TIAM1: variants seen among roughly 807,000 people sequenced by gnomAD.
TIAM1 encodes rho guanine nucleotide exchange factor TIAM1.
A neutral mutation model predicts 163.5 loss-of-function variants in TIAM1; 65 were observed. The ratio of observed to expected loss-of-function variants is 0.40; its 90% confidence interval spans 0.33 to 0.49. The LOEUF (loss-of-function observed/expected upper bound fraction) is 0.49. TIAM1 is among the 20% of genes least tolerant of loss of function. The probability of loss-of-function intolerance (pLI) is 0.77; values close to 1 mark genes in which losing one functional copy is unlikely to be tolerated. For synonymous variants in TIAM1, 833 were observed against 810.1 expected (o/e 1.03, Z -0.48); for missense variants, 1,789 against 2,044.7 (o/e 0.87, Z 2.41).
chr21:31,298,916 G>A (rs1284430830), intron 2 of TIAM1, among the ~76,000 whole-genome samples: 3 of 152,156 alleles, frequency 2.0e-5, no homozygotes, highest in Non-Finnish European at 4.4e-5. Flanking sequence ...TGCTACAAAT[G>A]AGTCAGAGAA....
chr21:31,340,480 C>T (rs1052842903), intron 1 of TIAM1, among the ~76,000 whole-genome samples: 12 of 152,162 alleles, frequency 7.9e-5, no homozygotes, highest in African/African-American at 2.4e-4. Context: ...TGGCACGAAA[C>T]TGCTATGGCA....
At chr21:31,412,191 G>C (rs1414908019) in intron 2 of TIAM1, among the ~76,000 whole-genome samples, 19 of 152,176 alleles carry the variant, frequency 1.2e-4, no homozygotes, top group African/African-American at 1.2e-4. Flanking sequence ...GACAAGTATT[G>C]CAAGTGCTCA....
chr21:31,548,430 C>T (rs1601064519), intron 1 of TIAM1, among the ~76,000 whole-genome samples: 1 of 151,278 alleles, frequency 6.6e-6, no homozygotes, highest in African/African-American at 2.4e-5. Flanking sequence ...CGTGACCCAC[C>T]GTGCCAGGCC....
intron 27 of TIAM1, among the ~76,000 whole-genome samples, chr21:31,122,771 A>T (rs1568862489): frequency 6.6e-6 from 1 of 152,218 alleles, no homozygotes; most frequent in Non-Finnish European, 1.5e-5. Flanking sequence ...TTCAAGACAA[A>T]GCAAAATGAA....
intron 2 of TIAM1, among the ~76,000 whole-genome samples, chr21:31,368,398 A>G (rs920993349): frequency 2.6e-5 from 4 of 152,220 alleles, no homozygotes; most frequent in African/African-American, 9.6e-5. Context: ...GTAGCTCAAC[A>G]AATTATTCAT....
intron 6 of TIAM1, among the ~76,000 whole-genome samples, chr21:31,232,649 G>A (rs1308118893): frequency 6.6e-6 from 1 of 152,116 alleles, no homozygotes; most frequent in Admixed American, 6.6e-5. Context: ...TTTAAATTCT[G>A]ACATGCTAGA....
intron 1 of TIAM1, among the ~76,000 whole-genome samples, chr21:31,470,291 T>C (rs11701418): frequency 0.69 from 103,809 of 149,912 alleles, 36,107 homozygotes; most frequent in African/African-American, 0.73. Flanking sequence ...AGGTGTGAGC[T>C]CCCACGCCAG....
rs1029341719 is a variant in TIAM1, at chr21:31,118,971, G to A, written c.*1397C>T. 5 of 178,896 alleles carry A rather than the reference G, an allele frequency of 2.8e-5. No homozygotes were observed. The highest frequency in any genetic ancestry group is 5.9e-5 in the Non-Finnish European group (5 of 84,088). The allele number at this position is 178,896 out of a possible 1,614,324, so 11.1% of individuals were successfully genotyped here. On this transcript the variant is annotated 3_prime_UTR_variant, in exon 28 of 28. Transcript: ENST00000541036. ...CTCCTAAAGCTACTATAAAATTCAG[G>A]TCTTTAAAGTACCTACTGATGTGTC...
At chr21:31,159,235 A>T (rs1471986975) in intron 16 of TIAM1, among the ~76,000 whole-genome samples, 1 of 152,114 alleles carries the variant, frequency 6.6e-6, no homozygotes, top group African/African-American at 2.4e-5. Context: ...ACATACAGAC[A>T]AGGAGAGGAC....
chr21:31,324,987 A>AT (rs1445830064), intron 2 of TIAM1, among the ~76,000 whole-genome samples: 1 of 152,032 alleles, frequency 6.6e-6, no homozygotes, highest in Non-Finnish European at 1.5e-5. Flanking sequence ...GAACAGAAGT[A>AT]TTTTTTTACA....
At chr21:31,306,891 GACCC>G (rs1329088930) in intron 2 of TIAM1, among the ~76,000 whole-genome samples, 1 of 152,178 alleles carries the variant, frequency 6.6e-6, no homozygotes, top group African/African-American at 2.4e-5. Flanking sequence ...CTGTGACTCT[GACCC>G]CTGTATGGTG....
chr21:31,318,267 T>C (rs1408023045), intron 2 of TIAM1, among the ~76,000 whole-genome samples: 1 of 152,122 alleles, frequency 6.6e-6, no homozygotes, highest in Non-Finnish European at 1.5e-5. Flanking sequence ...CCGGCTATGT[T>C]TTGTATTTTT....
At chr21:31,397,592 A>G (rs1182354662) in intron 2 of TIAM1, among the ~76,000 whole-genome samples, 1 of 152,216 alleles carries the variant, frequency 6.6e-6, no homozygotes, top group Non-Finnish European at 1.5e-5. Flanking sequence ...GAAATGAGAT[A>G]ACAGGACAAA....
rs556742793 is a variant in TIAM1 at position 31,417,815 on chromosome 21, G to A, written c.-369+46168C>T. ...AAGAAACATGACAGAACCCACACCT[G>A]AAGGGGGTACATTATGTAACTACCT... is the stretch of plus-strand genomic sequence containing the variant. On this transcript the variant is annotated intron_variant, in intron 2 of 28. Transcript: ENST00000286827. Among the ~76,000 whole-genome samples the A allele has an allele frequency of 1.9e-3, 285 of 152,248 alleles. 2 individuals are homozygous for A. Among genetic ancestry groups the A allele is most frequent in the Non-Finnish European group, 3.4e-3 (228 of 68,024 alleles).
rs955734825 is a variant in TIAM1 at position 31,490,849 on chromosome 21, G to A, written c.-421-26814C>T. 1.4e-4 allele frequency among the ~76,000 whole-genome samples: 22 copies of A among 152,348 alleles called. 2 individuals carry two copies. Among genetic ancestry groups the A allele is most frequent in the African/African-American group, 4.8e-4 (20 of 41,590 alleles). On this transcript the variant is annotated intron_variant, in intron 1 of 28. Transcript: ENST00000286827. ...GTAGAAATAAGCCCAAGGATTGGCC[G>A]AGCGTGGTGGCTCACGCCTGTAATC...
At chr21:31,433,050 T>G (rs2044097111) in intron 2 of TIAM1, among the ~76,000 whole-genome samples, 2 of 152,202 alleles carry the variant, frequency 1.3e-5, no homozygotes, top group Non-Finnish European at 2.9e-5. Flanking sequence ...TATCCAACAT[T>G]GAAGTAATGG....
In TIAM1 at chr21:31,251,961, T is replaced by TGTTGGTGGTGCTCATCTCCAGCTCCCGCC; in HGVS notation, c.1163_1191dup (p.Ser398GlyfsTer6). ...GAGCCGGCCTCCTCCAGGCTCTCGC[T>TGTTGGTGGTGCTCATCTCCAGCTCCCGCC]GTTGGTGGTGCTCATCTCCAGCTCC... On this transcript the variant is annotated stop_gained and frameshift_variant, in exon 5 of 28. Transcript: ENST00000541036. LOFTEE classifies it high-confidence loss of function. 1 of 1,613,948 alleles carries TGTTGGTGGTGCTCATCTCCAGCTCCCGCC rather than the reference T, an allele frequency of 6.2e-7. No individual in the cohort carries two copies. The highest frequency in any genetic ancestry group is 8.5e-7 in the Non-Finnish European group (1 of 1,179,920).
At chr21:31,372,552 A>T (rs2076613123) in intron 2 of TIAM1, among the ~76,000 whole-genome samples, 1 of 152,198 alleles carries the variant, frequency 6.6e-6, no homozygotes, top group South Asian at 2.1e-4. Context: ...CCAAAGTTGA[A>T]ACTGAGACAG....
chr21:31,218,527 C>A (rs866692766), intron 8 of TIAM1, among the ~76,000 whole-genome samples: 36 of 151,868 alleles, frequency 2.4e-4, no homozygotes, highest in Non-Finnish European at 4.3e-4. Context: ...TGAGAACACG[C>A]CACTGCACTC....
Sources: gnomAD v4.1 joint callset for allele counts (sites outside exome capture counted in the v4.1 genomes callset) on GRCh38, gnomAD v4.1.1 for gene constraint, MANE v1.5 for transcripts, NCBI Gene and HGNC (gene_info 2026-07-23, HGNC 2026-07-21) for gene names.